Variants in ASPH observed in about 807,000 individuals in gnomAD.
The protein encoded by ASPH is aspartyl/asparaginyl beta-hydroxylase.
A neutral mutation model predicts 118.4 loss-of-function variants in ASPH; 100 were observed. That is an observed-to-expected ratio of 0.84 (90% CI 0.72 to 1.00). The LOEUF (loss-of-function observed/expected upper bound fraction) is 1.00, where lower values mean the gene tolerates loss of function less well. Among genes scored for constraint, ASPH ranks in the 50% least tolerant of loss-of-function variants. The probability of loss-of-function intolerance (pLI) is 0.00; values close to 1 mark genes in which losing one functional copy is unlikely to be tolerated. For synonymous variants in ASPH, 315 were observed against 325.6 expected, an observed-to-expected ratio of 0.97 and a Z score of 0.35; for missense variants, 920 against 919.5, an observed-to-expected ratio of 1.00 and a Z score of -0.01.
chr8:61,579,107 C>T (rs150446464), intron 15 of ASPH: 78 of 1,609,502 alleles, frequency 4.8e-5, no homozygotes, highest in Non-Finnish European at 5.9e-5. Flanking sequence ...CTGGGAAGCA[C>T]GGGGATGACC....
intron 24 of ASPH, among the ~76,000 whole-genome samples, chr8:61,512,864 T>C (rs886833950): frequency 2.6e-5 from 4 of 152,232 alleles, no homozygotes; most frequent in Non-Finnish European, 4.4e-5. Context: ...CACCTGGCAA[T>C]AGCTCTGGGT....
chr8:61,627,924 C>T (rs867839897), intron 13 of ASPH, among the ~76,000 whole-genome samples: 12 of 152,108 alleles, frequency 7.9e-5, no homozygotes, highest in African/African-American at 2.9e-4. Context: ...AATGTAGGAA[C>T]GTGGACTCCT....
At chr8:61,552,082 C>T (rs1293097627) in intron 20 of ASPH, among the ~76,000 whole-genome samples, 2 of 152,218 alleles carry the variant, frequency 1.3e-5, no homozygotes, top group Non-Finnish European at 2.9e-5. Flanking sequence ...CATGTTCTTA[C>T]TAATTTTAGA....
rs185854358 is a variant in ASPH at position 61,527,325 on chromosome 8, C to A, written c.1765-1213G>T. On this transcript the variant is annotated intron_variant, in intron 21 of 24. Coordinates refer to ENST00000379454, the MANE Select transcript of ASPH (RefSeq NM_004318.4). Reference sequence around the variant, plus strand: ...AGATAATGTGTAGAGTGTCTTTTTACCAAGTCCTGCTTTATAAACTCATGA... The same window carrying A: ...AGATAATGTGTAGAGTGTCTTTTTAACAAGTCCTGCTTTATAAACTCATGA... Among the ~76,000 whole-genome samples the A allele has an allele frequency of 2.7e-3, 407 of 152,256 alleles. 6 individuals are homozygous for A. The highest frequency in any genetic ancestry group is 0.023 in the Admixed American group (354 of 15,292).
At chr8:61,604,541 T>G (rs1368041971) in intron 14 of ASPH, among the ~76,000 whole-genome samples, 2 of 152,222 alleles carry the variant, frequency 1.3e-5, no homozygotes, top group Admixed American at 1.3e-4. Context: ...TTTAACATAA[T>G]GCACTACTGA....
intron 14 of ASPH, among the ~76,000 whole-genome samples, chr8:61,607,794 T>C (rs557774833): frequency 6.6e-6 from 1 of 152,318 alleles, no homozygotes; most frequent in South Asian, 2.1e-4. Context: ...GGTTATGTTT[T>C]CCCTCAAACA....
At chr8:61,535,854 G>T (rs1819289963) in intron 21 of ASPH, among the ~76,000 whole-genome samples, 1 of 152,032 alleles carries the variant, frequency 6.6e-6, no homozygotes, top group Admixed American at 6.6e-5. Flanking sequence ...CTGAGACGAG[G>T]TTATTACATC....
rs1804913495 is a variant in ASPH at position 61,501,412 on chromosome 8, T to TAAG, written c.*1944_*1946dup. ...ATTTTAAATACCATATTATATTTAC[T>TAAG]AAGTTAAGAGCTAGTTTTTACTCTC... On this transcript the variant is annotated 3_prime_UTR_variant, in exon 25 of 25. Transcript: ENST00000379454. 1 of 152,144 alleles carries TAAG rather than the reference T, an allele frequency of 6.6e-6. No homozygotes were observed. The highest frequency in any genetic ancestry group is 2.1e-4 in the South Asian group (1 of 4,836). The allele number at this position is 152,144 out of a possible 1,614,324, so 9.4% of individuals were successfully genotyped here.
chr8:61,692,889 G>A (rs371971567), intron 1 of ASPH, among the ~76,000 whole-genome samples: 1 of 151,646 alleles, frequency 6.6e-6, no homozygotes, highest in Admixed American at 6.6e-5. Context: ...TCTCAAGGAA[G>A]GGAAGTAGTT....
intron 1 of ASPH, among the ~76,000 whole-genome samples, chr8:61,704,358 T>C (rs190729586): frequency 5.7e-4 from 87 of 151,762 alleles, no homozygotes; most frequent in African/African-American, 1.7e-3. Context: ...AAATTCCATA[T>C]AGAAAAATAT....
At chr8:61,579,043 G>A (rs1169922700) in intron 15 of ASPH, 23 of 1,610,542 alleles carry the variant, frequency 1.4e-5, no homozygotes, top group East Asian at 2.2e-5. Flanking sequence ...AACCAAAGAC[G>A]GGCTGAGGCT....
intron 13 of ASPH, among the ~76,000 whole-genome samples, chr8:61,629,386 G>C (rs909197677): frequency 6.6e-5 from 10 of 152,178 alleles, no homozygotes; most frequent in Non-Finnish European, 1.3e-4. Context: ...CATTTGTGTT[G>C]TGTATATTTA....
intron 3 of ASPH, among the ~76,000 whole-genome samples, chr8:61,674,497 C>G (rs1464145960): frequency 1.3e-5 from 2 of 152,210 alleles, no homozygotes; most frequent in African/African-American, 4.8e-5. Flanking sequence ...CTTTAATAGT[C>G]ACTTTAATAG....
intron 3 of ASPH, chr8:61,668,281 G>C (rs1820704283): frequency 6.2e-7 from 1 of 1,603,076 alleles, no homozygotes; most frequent in African/African-American, 1.3e-5. Context: ...TCCTTCTGTT[G>C]ACATTTACAA....
intron 1 of ASPH, among the ~76,000 whole-genome samples, chr8:61,709,244 C>G (rs1837482107): frequency 6.6e-6 from 1 of 151,952 alleles, no homozygotes; most frequent in South Asian, 2.1e-4. Flanking sequence ...CTGAAGCATC[C>G]CTCACATCAG....
chr8:61,606,398 C>T (rs947445355), intron 14 of ASPH: 2 of 152,136 alleles, frequency 1.3e-5, no homozygotes, highest in Non-Finnish European at 2.9e-5. Flanking sequence ...ACCTGAAACA[C>T]AACTTTATCA....
At chr8:61,667,029 G>C (rs1009712217) in intron 3 of ASPH, among the ~76,000 whole-genome samples, 1 of 148,880 alleles carries the variant, frequency 6.7e-6, no homozygotes, top group Non-Finnish European at 1.5e-5. Context: ...TTCATCCCCA[G>C]AAATTATTCA....
intron 1 of ASPH, among the ~76,000 whole-genome samples, chr8:61,709,172 C>T (rs1020681945): frequency 2.0e-5 from 3 of 152,162 alleles, no homozygotes; most frequent in African/African-American, 7.2e-5. Flanking sequence ...AAGATAACCA[C>T]ATCAGCCAAA....
intron 3 of ASPH, chr8:61,663,439 T>C (rs1437954213): frequency 3.0e-6 from 3 of 985,278 alleles, no homozygotes; most frequent in African/African-American, 3.5e-5. Flanking sequence ...AGGGCCATCT[T>C]GGTTATCAAG....
Sources: gnomAD v4.1 joint callset for allele counts (sites outside exome capture counted in the v4.1 genomes callset) on GRCh38, gnomAD v4.1.1 for gene constraint, MANE v1.5 for transcripts, NCBI Gene and HGNC (gene_info 2026-07-23, HGNC 2026-07-21) for gene names.